GRK3: variants seen among roughly 807,000 people sequenced by gnomAD.
GRK3 encodes adrenergic, beta, receptor kinase 2.
A neutral mutation model predicts 95.7 loss-of-function variants in GRK3; 54 were observed. The ratio of observed to expected loss-of-function variants is 0.56; its 90% confidence interval spans 0.45 to 0.71. GRK3 has a LOEUF of 0.71. GRK3 is among the 30% of genes least tolerant of loss of function. GRK3 has a pLI of 0.00. For synonymous variants in GRK3, 281 were observed against 290.8 expected (o/e 0.97, Z 0.34); for missense variants, 649 against 851.2 (o/e 0.76, Z 2.96).
intron 3 of GRK3, chr22:25,647,829 G>T: frequency 1.2e-6 from 1 of 807,928 alleles, no homozygotes; most frequent in Non-Finnish European, 2.2e-6. Context: ...AGAGTGAAAT[G>T]GCTGGGTGCA....
intron 3 of GRK3, among the ~76,000 whole-genome samples, chr22:25,656,468 A>T (rs1198380296): frequency 6.6e-6 from 1 of 151,922 alleles, no homozygotes; most frequent in Non-Finnish European, 1.5e-5. Flanking sequence ...AGGGTGTACC[A>T]CCACACCCAG....
rs747139836 is a variant in GRK3, at chr22:25,612,506, A to ATG, written c.190+8065_190+8066dup. Among the ~76,000 whole-genome samples the ATG allele has an allele frequency of 6.7e-3, 842 of 125,938 alleles. 8 individuals are homozygous for ATG. The highest frequency in any genetic ancestry group is 0.043 in the African/African-American group (758 of 17,648). 82.6% of individuals were successfully genotyped at this position (125,938 alleles called of 152,430 possible). On this transcript the variant is annotated intron_variant, in intron 2 of 20. Transcript: ENST00000324198. ...ATCAGTTCTAGTAAGGTATGTCTGC[A>ATG]TGTGTGTGTGTGTTTGTGTGTGTGT... is the stretch of plus-strand genomic sequence containing the variant.
At chr22:25,673,745 T>C (rs2085003872) in intron 7 of GRK3, among the ~76,000 whole-genome samples, 1 of 152,140 alleles carries the variant, frequency 6.6e-6, no homozygotes. Context: ...AGATTCACTA[T>C]CTGTCTTTGT....
intron 2 of GRK3, among the ~76,000 whole-genome samples, chr22:25,633,068 G>A (rs1020505914): frequency 6.6e-6 from 1 of 151,488 alleles, no homozygotes; most frequent in African/African-American, 2.4e-5. Context: ...CTGCCACCAA[G>A]CCTGGCTAAT....
At chr22:25,578,463 C>A (rs1417417493) in intron 1 of GRK3, among the ~76,000 whole-genome samples, 1 of 152,194 alleles carries the variant, frequency 6.6e-6, no homozygotes, top group Non-Finnish European at 1.5e-5. Flanking sequence ...ATATCCACAT[C>A]TTAATCCCCA....
At chr22:25,618,393 A>C (rs775561947) in intron 2 of GRK3, among the ~76,000 whole-genome samples, 1 of 152,136 alleles carries the variant, frequency 6.6e-6, no homozygotes, top group Non-Finnish European at 1.5e-5. Flanking sequence ...TCTAATATTG[A>C]TTTAGTCACT....
intron 13 of GRK3, among the ~76,000 whole-genome samples, chr22:25,700,975 A>G (rs937877531): frequency 6.6e-6 from 1 of 152,222 alleles, no homozygotes; most frequent in African/African-American, 2.4e-5. Context: ...AATGATGTAG[A>G]GCTAACTTGG....
At chr22:25,695,703 A>G (rs2085202213) in intron 13 of GRK3, among the ~76,000 whole-genome samples, 1 of 152,108 alleles carries the variant, frequency 6.6e-6, no homozygotes, top group Non-Finnish European at 1.5e-5. Context: ...GCCTGGCTGC[A>G]GTGTAGTCAC....
At chr22:25,699,000 T>A (rs2085234230) in intron 13 of GRK3, among the ~76,000 whole-genome samples, 1 of 152,172 alleles carries the variant, frequency 6.6e-6, no homozygotes, top group Non-Finnish European at 1.5e-5. Flanking sequence ...AATAACGATG[T>A]CATTACTAAA....
chr22:25,669,943 T>C (rs2084967907), intron 6 of GRK3, among the ~76,000 whole-genome samples: 1 of 152,142 alleles, frequency 6.6e-6, no homozygotes, highest in Admixed American at 6.5e-5. Flanking sequence ...TAAATGGGAG[T>C]GCACCCAAAT....
intron 12 of GRK3, among the ~76,000 whole-genome samples, chr22:25,693,810 A>C: frequency 8.3e-6 from 1 of 120,902 alleles, no homozygotes; most frequent in Non-Finnish European, 1.6e-5. Context: ...ATGGAGTTTC[A>C]CTCTTGTCGC....
chr22:25,581,548 T>A (rs148158275), intron 1 of GRK3, among the ~76,000 whole-genome samples: 4,476 of 145,418 alleles, frequency 0.031, 97 homozygotes, highest in Middle Eastern at 0.07. Context: ...GCGGGTAGAG[T>A]TTTAAGAGGC....
chr22:25,722,266 G>T lies in GRK3; in HGVS notation c.1906-23G>T, dbSNP rs780519126. 17 of 1,609,358 alleles carry T rather than the reference G, an allele frequency of 1.1e-5. No individual in the cohort carries two copies. The Admixed American group carries it at 2.5e-4, about 24-fold the overall frequency. ...CAAAATGGGTGAGCCTGTCACAACGGCTGCCTTTGTATTCCCCCTCAGAGT... is the reference window on the plus strand; with the variant it reads ...CAAAATGGGTGAGCCTGTCACAACGTCTGCCTTTGTATTCCCCCTCAGAGT... On this transcript the variant is annotated intron_variant, in intron 20 of 20. Coordinates refer to ENST00000324198, the MANE Select transcript of GRK3 (RefSeq NM_005160.4).
At chr22:25,576,148 G>C (rs1478201053) in intron 1 of GRK3, among the ~76,000 whole-genome samples, 1 of 152,028 alleles carries the variant, frequency 6.6e-6, no homozygotes, top group African/African-American at 2.4e-5. Flanking sequence ...GCTCCCACAG[G>C]AGCCTACGTG....
chr22:25,595,538 G>A (rs1326773139), intron 1 of GRK3, among the ~76,000 whole-genome samples: 1 of 152,198 alleles, frequency 6.6e-6, no homozygotes, highest in Non-Finnish European at 1.5e-5. Flanking sequence ...GGACTGAATA[G>A]TACAGTGAAG....
At chr22:25,651,191 G>A (rs2084828030) in intron 3 of GRK3, among the ~76,000 whole-genome samples, 2 of 152,152 alleles carry the variant, frequency 1.3e-5, no homozygotes, top group African/African-American at 4.8e-5. Context: ...AGCATTAGTG[G>A]TATAAGTGTC....
intron 1 of GRK3, among the ~76,000 whole-genome samples, chr22:25,586,430 G>A (rs1350698801): frequency 2.6e-5 from 4 of 152,290 alleles, no homozygotes; most frequent in African/African-American, 9.6e-5. Context: ...TCTTCATGAT[G>A]TGCTTATTTC....
intron 1 of GRK3, among the ~76,000 whole-genome samples, chr22:25,591,717 G>T (rs530898950): frequency 1.3e-5 from 2 of 152,172 alleles, no homozygotes; most frequent in African/African-American, 4.8e-5. Context: ...TTAAAAGTTT[G>T]CTCCTGCCTC....
At chr22:25,682,207 G>A (rs1474468822) in intron 9 of GRK3, among the ~76,000 whole-genome samples, 5 of 152,314 alleles carry the variant, frequency 3.3e-5, no homozygotes, top group African/African-American at 1.2e-4. Context: ...TCTGACTTGT[G>A]CAGAGGTGAC....
Sources: allele counts gnomAD v4.1 joint callset (sites outside exome capture counted in the v4.1 genomes callset), GRCh38; gene constraint gnomAD v4.1.1; transcripts MANE v1.5; gene names NCBI Gene and HGNC (gene_info 2026-07-23, HGNC 2026-07-21).